Variants in GRK3 observed in about 807,000 individuals in gnomAD.
GRK3 encodes G protein-coupled receptor kinase 3.
Under a neutral mutation model 95.7 loss-of-function variants are expected in GRK3, and 54 were observed. The ratio of observed to expected loss-of-function variants is 0.56; its 90% CI spans 0.45 to 0.71. GRK3 has a LOEUF of 0.71. Among genes scored for constraint, GRK3 ranks in the 30% least tolerant of loss-of-function variants. The pLI is 0.00. For missense variants in GRK3, 649 were observed against 851.2 expected (o/e 0.76, Z 2.96); for synonymous variants, 281 against 290.8 (o/e 0.97, Z 0.34).
At chr22:25,684,112 C>T (rs1487596337) in intron 9 of GRK3, among the ~76,000 whole-genome samples, 1 of 152,200 alleles carries the variant, frequency 6.6e-6, no homozygotes, top group Non-Finnish European at 1.5e-5. Flanking sequence ...ATTGAATAGA[C>T]CTTCCTTTCC....
At chr22:25,622,417 G>C (rs887530819) in intron 2 of GRK3, among the ~76,000 whole-genome samples, 1 of 152,202 alleles carries the variant, frequency 6.6e-6, no homozygotes, top group Non-Finnish European at 1.5e-5. Context: ...GCTTACATAG[G>C]TTAGTTGTTT....
chr22:25,624,554 A>G (rs1438609196), intron 2 of GRK3, among the ~76,000 whole-genome samples: 1 of 151,782 alleles, frequency 6.6e-6, no homozygotes, highest in East Asian at 1.9e-4. Flanking sequence ...ACAGAGTGAG[A>G]CTCCATCATT....
At chr22:25,721,502 C>T (rs1437934007) in intron 20 of GRK3, 105 bp downstream of exon 20, 3 of 683,522 alleles carry the variant, frequency 4.4e-6, no homozygotes, top group Non-Finnish European at 5.0e-6. Context: ...TTATCACTTA[C>T]AAACTTAGTA....
At chr22:25,685,330 C>A in intron 10 of GRK3, 82 bp downstream of exon 10, 2 of 1,067,800 alleles carry the variant, frequency 1.9e-6, no homozygotes, top group Non-Finnish European at 2.9e-6. Flanking sequence ...TCTAGGCAGA[C>A]TGGCAATGTG....
At chr22:25,622,223 G>C (rs887950898) in intron 2 of GRK3, among the ~76,000 whole-genome samples, 2 of 152,174 alleles carry the variant, frequency 1.3e-5, no homozygotes, top group African/African-American at 4.8e-5. Flanking sequence ...AACACTGGCA[G>C]AGAAGTGAGT....
intron 10 of GRK3, among the ~76,000 whole-genome samples, chr22:25,687,008 C>T (rs942754401): frequency 7.2e-5 from 11 of 152,128 alleles, no homozygotes; most frequent in Admixed American, 2.0e-4. Flanking sequence ...TTAATAGAGA[C>T]GGAGTTTCAC....
chr22:25,707,798 C>CT (rs2085311629), intron 15 of GRK3, among the ~76,000 whole-genome samples: 1 of 152,086 alleles, frequency 6.6e-6, no homozygotes, highest in Non-Finnish European at 1.5e-5. Context: ...TGGGATGGGG[C>CT]TGCAGGTGGG....
chr22:25,722,468 G>T lies in GRK3; in HGVS notation c.*18G>T. 1.2e-6 allele frequency: 2 copies of T among 1,612,946 alleles called. No homozygotes were observed. The highest frequency in any genetic ancestry group is 1.1e-5 in the South Asian group (1 of 91,020). On this transcript the variant is annotated 3_prime_UTR_variant, in exon 21 of 21. Transcript: ENST00000324198. Reference sequence around the variant, plus strand: ...GCCTCTAGCACCCAGAAACAGGGAGGGTCCTCGAGGAGGACACACCAGGGT... The same window carrying T: ...GCCTCTAGCACCCAGAAACAGGGAGTGTCCTCGAGGAGGACACACCAGGGT...
rs2085103366 is a variant in GRK3, at chr22:25,685,196, C to T, written c.774C>T (p.Thr258=). ...ACTGTCCTTTCATTGTATGTATGAC[C>T]TATGCCTTCCATACCCCAGATAAAC... ...TGDCPFIVCM[T]YAFHTPDKLC... Residue 258 remains threonine, a synonymous_variant, in exon 10 of 21, where the codon ACC becomes ACT. Transcript: ENST00000324198. The T allele has an allele frequency of 1.9e-6, 3 of 1,613,084 alleles. No homozygotes were observed. Among genetic ancestry groups the T allele is most frequent in the Admixed American group, 3.3e-5 (2 of 60,000 alleles).
intron 3 of GRK3, chr22:25,648,933 G>T: frequency 1.1e-6 from 1 of 878,242 alleles, no homozygotes; most frequent in Non-Finnish European, 2.0e-6. Flanking sequence ...TCCTGAAGTT[G>T]CACTGTATGG....
intron 2 of GRK3, among the ~76,000 whole-genome samples, chr22:25,607,735 C>G (rs2084462570): frequency 6.6e-6 from 1 of 150,726 alleles, no homozygotes; most frequent in East Asian, 1.9e-4. Flanking sequence ...CACCACCATA[C>G]CCAGCTAATT....
chr22:25,696,549 C>A (rs1045280212), intron 13 of GRK3, among the ~76,000 whole-genome samples: 1 of 152,174 alleles, frequency 6.6e-6, no homozygotes, highest in Admixed American at 6.5e-5. Context: ...ACTCATAAAT[C>A]ATTTTACATT....
At chr22:25,689,961 G>C (rs1218755275) in intron 11 of GRK3, among the ~76,000 whole-genome samples, 2 of 152,180 alleles carry the variant, frequency 1.3e-5, no homozygotes, top group African/African-American at 4.8e-5. Context: ...ATTTTCTAAT[G>C]AGTAGAATCC....
At chr22:25,601,262 T>C (rs2084407811) in intron 1 of GRK3, among the ~76,000 whole-genome samples, 1 of 152,164 alleles carries the variant, frequency 6.6e-6, no homozygotes, top group Non-Finnish European at 1.5e-5. Flanking sequence ...TTCTAGGCAA[T>C]AAAACACATA....
chr22:25,681,738 T>C (rs995129833), intron 9 of GRK3, among the ~76,000 whole-genome samples: 10 of 152,214 alleles, frequency 6.6e-5, no homozygotes, highest in African/African-American at 2.4e-4. Flanking sequence ...AGTTTTTTTA[T>C]GGCGAGTTCC....
intron 3 of GRK3, among the ~76,000 whole-genome samples, chr22:25,653,252 G>T (rs543340596): frequency 5.9e-5 from 9 of 152,298 alleles, no homozygotes; most frequent in Admixed American, 1.3e-4. Context: ...AAAAGATTAG[G>T]TTTTTCAGAC....
chr22:25,653,175 A>C (rs1175053596), intron 3 of GRK3, among the ~76,000 whole-genome samples: 1 of 152,226 alleles, frequency 6.6e-6, no homozygotes, highest in Non-Finnish European at 1.5e-5. Context: ...AATTGCAAAC[A>C]AAGAGTAAGT....
chr22:25,647,343 T>G (rs1036240915), intron 3 of GRK3: 57 of 1,264,532 alleles, frequency 4.5e-5, no homozygotes, highest in Non-Finnish European at 6.1e-5. Context: ...AGTACAAGGG[T>G]GAGCCATGGG....
chr22:25,717,742 T>A (rs2085398316), intron 18 of GRK3, among the ~76,000 whole-genome samples: 1 of 152,214 alleles, frequency 6.6e-6, no homozygotes, highest in South Asian at 2.1e-4. Context: ...ATTTGAGGAA[T>A]AAACCTAACA....
Sources: allele counts gnomAD v4.1 joint callset (sites outside exome capture counted in the v4.1 genomes callset), GRCh38; gene constraint gnomAD v4.1.1; transcripts MANE v1.5; gene names NCBI Gene and HGNC (gene_info 2026-07-23, HGNC 2026-07-21).